Variants in CD2 observed in about 807,000 individuals in gnomAD.
The protein encoded by CD2 is T-cell surface antigen CD2.
Under a neutral mutation model 23.2 loss-of-function variants are expected in CD2, and 18 were observed. The ratio of observed to expected loss-of-function variants is 0.77; its 90% CI spans 0.54 to 1.15. The LOEUF (loss-of-function observed/expected upper bound fraction) is 1.15. CD2 is among the 50% of genes most tolerant of loss of function. CD2 has a pLI of 0.00. For synonymous variants in CD2, 162 were observed against 151.9 expected, an observed-to-expected ratio of 1.07 and a Z score of -0.49; for missense variants, 424 against 423.1, an observed-to-expected ratio of 1.00 and a Z score of -0.02.
rs563583333 is a variant in CD2 at position 116,760,432 on chromosome 1, C to T, written c.413C>T (p.Thr138Ile). The change falls in exon 3 of 5, where the codon ACT becomes ATT. Residue 138 changes from threonine (T) to isoleucine (I), a missense_variant. Transcript: ENST00000369478. ...GTCTCAAAACCAAAGATCTCCTGGA[C>T]TTGTATCAACACAACCCTGACCTGT... ...ERVSKPKISW[T>I]CINTTLTCEV... 14 of 1,614,142 alleles carry T rather than the reference C, an allele frequency of 8.7e-6. No individual in the cohort carries two copies. The South Asian group carries it at 1.3e-4, about 15-fold the overall frequency.
At chr1:116,763,932 C>A (rs973383062) in intron 3 of CD2, among the ~76,000 whole-genome samples, 2 of 151,876 alleles carry the variant, frequency 1.3e-5, no homozygotes, top group Non-Finnish European at 2.9e-5. Flanking sequence ...CTGGGCTGGA[C>A]AAGTGAAATA....
rs3820658 is a variant in CD2 at position 116,765,266 on chromosome 1, G to C, written c.736+660G>C. On this transcript the variant is annotated intron_variant, in intron 4 of 4. Coordinates refer to ENST00000369478, the MANE Select transcript of CD2 (RefSeq NM_001767.5). ...AATGGCCAACCCGGGGTCACTGTGG[G>C]GGGCACAGATGAGGGTGTCAGCCAT... Among the ~76,000 whole-genome samples, 1,234 of 152,272 alleles carry C rather than the reference G, an allele frequency of 8.1e-3. 65 individuals are homozygous for C. In the East Asian group the frequency reaches 0.13, roughly 16 times the overall value.
At chr1:116,762,437 C>T (rs1652083439) in intron 3 of CD2, among the ~76,000 whole-genome samples, 1 of 152,094 alleles carries the variant, frequency 6.6e-6, no homozygotes, top group South Asian at 2.1e-4. Flanking sequence ...AGAGCAGAAG[C>T]TCATTGCGAG....
chr1:116,759,722 C>T (rs969932073), intron 2 of CD2, among the ~76,000 whole-genome samples: 1 of 152,174 alleles, frequency 6.6e-6, no homozygotes, highest in Non-Finnish European at 1.5e-5. Flanking sequence ...AGCGTAGACC[C>T]TGTGAGCAAC....
At chr1:116,762,789 A>T (rs1271499624) in intron 3 of CD2, among the ~76,000 whole-genome samples, 1 of 152,242 alleles carries the variant, frequency 6.6e-6, no homozygotes, top group Non-Finnish European at 1.5e-5. Flanking sequence ...CTTCTGAAAC[A>T]TGATGGAACA....
Position 116,768,662 on chromosome 1 carries a change from C to T in CD2, c.935C>T (p.Pro312Leu), listed in dbSNP as rs771511394. Residue 312 changes from proline (P) to leucine (L), a missense_variant, in exon 5 of 5, where the codon CCT becomes CTT. Transcript: ENST00000369478. ...HRVQHQPQKR[P>L]PAPSGTQVHQ... ...GTTCAGCACCAGCCTCAGAAGAGGC[C>T]TCCTGCTCCGTCGGGCACACAAGTT... The T allele has an allele frequency of 1.2e-6, 2 of 1,614,162 alleles. No homozygotes were observed. The highest frequency in any genetic ancestry group is 2.2e-5 in the South Asian group (2 of 91,076).
intron 3 of CD2, 148 bp downstream of exon 3, chr1:116,760,780 T>C: frequency 1.5e-6 from 1 of 663,236 alleles, no homozygotes; most frequent in Non-Finnish European, 2.7e-6. Flanking sequence ...CTGGAAACCT[T>C]CAAGGGAAGC....
intron 2 of CD2, among the ~76,000 whole-genome samples, chr1:116,757,359 G>A (rs1651887319): frequency 6.6e-6 from 1 of 152,116 alleles, no homozygotes; most frequent in Non-Finnish European, 1.5e-5. Flanking sequence ...TGCTGCTGCA[G>A]GCTGAAGAGG....
intron 3 of CD2, among the ~76,000 whole-genome samples, chr1:116,761,217 G>A (rs1652041093): frequency 1.3e-5 from 2 of 152,176 alleles, no homozygotes; most frequent in South Asian, 4.1e-4. Context: ...AGACCATAAT[G>A]GATCCCCAGT....
At chr1:116,768,377 C>A in intron 4 of CD2, 87 bp from the exon 5 acceptor site, 1 of 1,273,786 alleles carries the variant, frequency 7.9e-7, no homozygotes. Flanking sequence ...AAGCAGCTAG[C>A]ATGGCGCCTT....
At position 116,767,331 on chromosome 1, in the gene CD2, T is replaced by A. The variant is rs545422692; in HGVS notation, c.737-1133T>A. Among the ~76,000 whole-genome samples, 3 of 152,158 alleles carry A rather than the reference T, an allele frequency of 2.0e-5. No individual in the cohort carries two copies. In the South Asian group the frequency reaches 6.2e-4, roughly 32 times the overall value. On this transcript the variant is annotated intron_variant, in intron 4 of 4. Coordinates refer to ENST00000369478, the MANE Select transcript of CD2 (RefSeq NM_001767.5). ...TATTTCAGCTGGGTGCGGTGGCTCATACCTGTAATCCCAGCACTTTGGGAG... is the reference window on the plus strand; with the variant it reads ...TATTTCAGCTGGGTGCGGTGGCTCAAACCTGTAATCCCAGCACTTTGGGAG...
Position 116,764,530 on chromosome 1 carries a change from C to A in CD2, c.660C>A (p.Gly220=). The A allele has an allele frequency of 6.2e-7, 1 of 1,614,076 alleles. No individual in the cohort carries two copies. Among genetic ancestry groups the A allele is most frequent in the Non-Finnish European group, 8.5e-7 (1 of 1,179,966 alleles). ...IYLIIGICGG[G]SLLMVFVALL... is the part of the protein sequence containing the mutation. ...TCATCATTGGCATATGTGGAGGAGG[C>A]AGCCTCTTGATGGTCTTTGTGGCAC... Residue 220 remains glycine (G), a synonymous_variant, in exon 4 of 5, where the codon GGC becomes GGA. Coordinates refer to ENST00000369478, the MANE Select transcript of CD2 (RefSeq NM_001767.5).
At chr1:116,756,724 C>T (rs564927179) in intron 2 of CD2, among the ~76,000 whole-genome samples, 3 of 152,112 alleles carry the variant, frequency 2.0e-5, no homozygotes, top group Admixed American at 6.5e-5. Flanking sequence ...ACCCTTTAGC[C>T]GAAAGACAGT....
intron 2 of CD2, among the ~76,000 whole-genome samples, chr1:116,758,733 C>T (rs1467780074): frequency 2.0e-5 from 3 of 152,098 alleles, no homozygotes; most frequent in Non-Finnish European, 4.4e-5. Flanking sequence ...TTTAGCATTG[C>T]GGCGGAAATA....
intron 2 of CD2, among the ~76,000 whole-genome samples, chr1:116,756,160 C>A (rs929219774): frequency 6.6e-6 from 1 of 152,082 alleles, no homozygotes; most frequent in Non-Finnish European, 1.5e-5. Flanking sequence ...AGTCCTGCAA[C>A]CTTGAGTGGA....
At chr1:116,760,120 T>C (rs1471218373) in intron 2 of CD2, among the ~76,000 whole-genome samples, 1 of 152,214 alleles carries the variant, frequency 6.6e-6, no homozygotes, top group Non-Finnish European at 1.5e-5. Context: ...GGTTAAGTGA[T>C]GTCATATATG....
intron 2 of CD2, among the ~76,000 whole-genome samples, chr1:116,757,512 A>G (rs1024463565): frequency 5.3e-5 from 8 of 152,102 alleles, no homozygotes; most frequent in Admixed American, 2.6e-4. Context: ...CGGAGGTACT[A>G]CTCCACAAGG....
chr1:116,766,016 C>A (rs546808611), intron 4 of CD2, among the ~76,000 whole-genome samples: 2 of 152,360 alleles, frequency 1.3e-5, no homozygotes, highest in Non-Finnish European at 2.9e-5. Context: ...TTGACTCAGG[C>A]CTAGGCCGAG....
chr1:116,764,490 G>T lies in CD2; in HGVS notation c.620G>T (p.Gly207Val). 2 of 1,614,016 alleles carry T rather than the reference G, an allele frequency of 1.2e-6. No homozygotes were observed. The highest frequency in any genetic ancestry group is 8.5e-7 in the Non-Finnish European group (1 of 1,179,934). Residue 207 changes from glycine (G) to valine (V), a missense_variant, in exon 4 of 5, where the codon GGT (glycine) becomes GTT (valine). Coordinates refer to ENST00000369478, the MANE Select transcript of CD2 (RefSeq NM_001767.5). ...ACTTCTCTTCCTTTTGCAGAGAAAG[G>T]TCTGGACATCTATCTCATCATTGGC... ...SVEPVSCPEK[G>V]LDIYLIIGIC...
Sources: gnomAD v4.1 joint callset for allele counts (sites outside exome capture counted in the v4.1 genomes callset) on GRCh38, gnomAD v4.1.1 for gene constraint, MANE v1.5 for transcripts, NCBI Gene and HGNC (gene_info 2026-07-23, HGNC 2026-07-21) for gene names.